The following TNFSF4 variants were observed in gnomAD, a reference collection of about 807,000 sequenced individuals.
The protein encoded by TNFSF4 is tumor necrosis factor ligand superfamily member 4.
TNFSF4 carries 4 observed loss-of-function variants against 7.3 expected under a neutral mutation model. That is an observed-to-expected ratio of 0.55 (90% confidence interval 0.27 to 1.25). The LOEUF (loss-of-function observed/expected upper bound fraction) is 1.25. Ranked by LOEUF, TNFSF4 falls within the 50% of genes most tolerant of loss-of-function variation. The pLI is 0.12. For missense variants in TNFSF4, 181 were observed against 208.8 expected, an observed-to-expected ratio of 0.87 and a Z score of 0.82; for synonymous variants, 76 against 83.7, an observed-to-expected ratio of 0.91 and a Z score of 0.50.
At chr1:173,254,602 A>C in the TNFSF4 span, among the ~76,000 whole-genome samples, 1 of 152,328 alleles carries the variant, frequency 6.6e-6, no homozygotes, top group Non-Finnish European at 1.5e-5. Context: ...GTTCAGTCTA[A>C]AAAATGACCT....
chr1:173,210,033 G>GT (rs1419542244), upstream of TNFSF4, among the ~76,000 whole-genome samples: 155 of 145,002 alleles, frequency 1.1e-3, no homozygotes, highest in East Asian at 1.2e-3. Flanking sequence ...AAACATTTGG[G>GT]TTTTTTTTTT....
At chr1:173,344,585 C>T in the TNFSF4 span, among the ~76,000 whole-genome samples, 5 of 152,180 alleles carry the variant, frequency 3.3e-5, no homozygotes. Flanking sequence ...CAAGATTGCA[C>T]CATAAATCCC....
the TNFSF4 span, among the ~76,000 whole-genome samples, chr1:173,406,733 C>A: frequency 2.0e-5 from 3 of 152,140 alleles, 1 homozygote; most frequent in Non-Finnish European, 1.5e-5. Context: ...GATTGCCCTG[C>A]GACAGTCTCT....
chr1:173,360,790 G>A, the TNFSF4 span, among the ~76,000 whole-genome samples: 1 of 152,168 alleles, frequency 6.6e-6, no homozygotes, highest in Non-Finnish European at 1.5e-5. Context: ...GGGTGGAAGG[G>A]AAGTAATAAC....
At chr1:173,384,197 C>A in the TNFSF4 span, among the ~76,000 whole-genome samples, 2 of 152,130 alleles carry the variant, frequency 1.3e-5, no homozygotes, top group Admixed American at 6.5e-5. Context: ...CAGCAAATAT[C>A]CCTACCCTGG....
Position 173,206,490 on chromosome 1 carries a change from T to C in TNFSF4, c.153+534A>G, listed in dbSNP as rs1045065318. On this transcript the variant is annotated intron_variant, in intron 1 of 2. Coordinates refer to ENST00000281834, the MANE Select transcript of TNFSF4 (RefSeq NM_003326.5). ...TGAGAAACAATATCTGATTAAATCA[T>C]TGGGGTGAATGAGTGAGCACATAGG... Among the ~76,000 whole-genome samples the C allele has an allele frequency of 5.3e-5, 8 of 152,190 alleles. No homozygotes were observed. The South Asian group carries it at 6.2e-4, about 12-fold the overall frequency.
chr1:173,232,527 G>C, the TNFSF4 span, among the ~76,000 whole-genome samples: 5 of 152,158 alleles, frequency 3.3e-5, no homozygotes, highest in East Asian at 9.6e-4. Context: ...TGGTGAGAGA[G>C]GGCATCCCTG....
chr1:173,409,071 G>A, the TNFSF4 span, among the ~76,000 whole-genome samples: 2 of 152,144 alleles, frequency 1.3e-5, no homozygotes, highest in African/African-American at 2.4e-5. Context: ...GCAATGAGAA[G>A]ACCATACACA....
the TNFSF4 span, among the ~76,000 whole-genome samples, chr1:173,402,638 A>G: frequency 6.6e-6 from 1 of 152,180 alleles, no homozygotes; most frequent in South Asian, 2.1e-4. Context: ...ATCCTGCTTC[A>G]AGGTCATCAC....
intron 1 of TNFSF4, among the ~76,000 whole-genome samples, chr1:173,198,261 C>T (rs1649790884): frequency 6.6e-6 from 1 of 152,198 alleles, no homozygotes; most frequent in Non-Finnish European, 1.5e-5. Flanking sequence ...CCTTCCTCAG[C>T]TTCTAATATT....
the TNFSF4 span, among the ~76,000 whole-genome samples, chr1:173,250,885 C>A: frequency 1.3e-5 from 2 of 152,100 alleles, no homozygotes; most frequent in African/African-American, 4.8e-5. Context: ...AGGAATCTCA[C>A]CAGAAATAAT....
At chr1:173,230,615 T>C in the TNFSF4 span, among the ~76,000 whole-genome samples, 1 of 151,802 alleles carries the variant, frequency 6.6e-6, no homozygotes, top group East Asian at 1.9e-4. Flanking sequence ...CACAACACCC[T>C]TCAAAAAAAT....
the TNFSF4 span, chr1:173,363,742 C>A: frequency 7.5e-4 from 147 of 195,682 alleles, 4 homozygotes; most frequent in East Asian, 5.7e-3. Flanking sequence ...ACCAACGCCA[C>A]CCAGGGAGCC....
the TNFSF4 span, among the ~76,000 whole-genome samples, chr1:173,307,382 C>G: frequency 3.3e-5 from 5 of 151,844 alleles, no homozygotes; most frequent in African/African-American, 4.8e-5. Context: ...TACACAACAA[C>G]TAGCTTATAT....
At chr1:173,270,919 T>C in the TNFSF4 span, among the ~76,000 whole-genome samples, 1 of 152,078 alleles carries the variant, frequency 6.6e-6, no homozygotes, top group Non-Finnish European at 1.5e-5. Flanking sequence ...TGGAAATATA[T>C]ATGAGAGTAC....
the TNFSF4 span, among the ~76,000 whole-genome samples, chr1:173,365,929 T>C: frequency 3.3e-5 from 5 of 152,322 alleles, no homozygotes; most frequent in South Asian, 2.1e-4. Context: ...ATATATAGAC[T>C]CTTTATTTGT....
the TNFSF4 span, among the ~76,000 whole-genome samples, chr1:173,349,722 T>C: frequency 6.6e-6 from 1 of 152,242 alleles, no homozygotes; most frequent in East Asian, 1.9e-4. Flanking sequence ...GAGAAATATT[T>C]ATATTCCGGG....
chr1:173,307,618 G>A, the TNFSF4 span, among the ~76,000 whole-genome samples: 3 of 151,872 alleles, frequency 2.0e-5, no homozygotes, highest in African/African-American at 7.2e-5. Context: ...TAATCATACT[G>A]TGGTCATGTA....
At chr1:173,429,351 G>A in the TNFSF4 span, among the ~76,000 whole-genome samples, 1 of 152,158 alleles carries the variant, frequency 6.6e-6, no homozygotes, top group African/African-American at 2.4e-5. Flanking sequence ...ACTTAGACAT[G>A]TGCTCCCGAC....
Sources: gnomAD v4.1 joint callset for allele counts (sites outside exome capture counted in the v4.1 genomes callset) on GRCh38, gnomAD v4.1.1 for gene constraint, MANE v1.5 for transcripts, NCBI Gene and HGNC (gene_info 2026-07-23, HGNC 2026-07-21) for gene names.